The following CNTLN variants were observed in gnomAD, a reference collection of about 807,000 sequenced individuals.
CNTLN encodes the protein centlein, centrosomal protein.
Under a neutral mutation model 180.0 loss-of-function variants are expected in CNTLN, and 212 were observed. The ratio of observed to expected loss-of-function variants is 1.18; its 90% confidence interval spans 1.05 to 1.32. The LOEUF (loss-of-function observed/expected upper bound fraction) is 1.32. CNTLN is among the 40% of genes most tolerant of loss of function. The pLI, the probability that CNTLN is intolerant of heterozygous loss-of-function variation, is 0.00. For synonymous variants in CNTLN, 722 were observed against 563.1 expected, an observed-to-expected ratio of 1.28 and a Z score of -3.99; for missense variants, 2,095 against 1,610.9, an observed-to-expected ratio of 1.30 and a Z score of -5.14.
At chr9:17,368,612 A>G (rs1432082287) in intron 13 of CNTLN, among the ~76,000 whole-genome samples, 1 of 152,134 alleles carries the variant, frequency 6.6e-6, no homozygotes, top group Non-Finnish European at 1.5e-5. Flanking sequence ...ACAGGGGTGC[A>G]TTTGTCACTC....
intron 20 of CNTLN, among the ~76,000 whole-genome samples, chr9:17,464,024 G>C (rs1407075677): frequency 6.6e-6 from 1 of 151,434 alleles, no homozygotes; most frequent in Non-Finnish European, 1.5e-5. Context: ...CTAAACAGCT[G>C]TGTGGATTGA....
chr9:17,523,701 T>G, the CNTLN span, among the ~76,000 whole-genome samples: 6 of 151,678 alleles, frequency 4.0e-5, no homozygotes, highest in Admixed American at 1.3e-4. Flanking sequence ...TGTACAATCC[T>G]TTTTTTGTCA....
intron 13 of CNTLN, among the ~76,000 whole-genome samples, chr9:17,379,956 A>G (rs1489658845): frequency 6.6e-6 from 1 of 152,168 alleles, no homozygotes; most frequent in African/African-American, 2.4e-5. Context: ...CTTGAATAGA[A>G]TCCCACAATA....
intron 2 of CNTLN, among the ~76,000 whole-genome samples, chr9:17,170,831 A>G (rs771253673): frequency 2.6e-5 from 4 of 152,134 alleles, no homozygotes; most frequent in Non-Finnish European, 5.9e-5. Context: ...TGGTAGTCCC[A>G]TAAGATTATA....
intron 2 of CNTLN, among the ~76,000 whole-genome samples, chr9:17,201,197 G>A (rs138137019): frequency 0.015 from 2,260 of 152,280 alleles, 30 homozygotes; most frequent in Middle Eastern, 0.041. Flanking sequence ...TGATCGTGGT[G>A]GATAAGCTTT....
intron 2 of CNTLN, among the ~76,000 whole-genome samples, chr9:17,156,523 A>G (rs182378042): frequency 4.0e-5 from 6 of 151,480 alleles, no homozygotes; most frequent in East Asian, 2.0e-4. Flanking sequence ...TTTCCTTGCA[A>G]TTTATTTTTG....
chr9:17,382,553 T>A (rs1306279407), intron 13 of CNTLN, among the ~76,000 whole-genome samples: 1 of 152,234 alleles, frequency 6.6e-6, no homozygotes, highest in African/African-American at 2.4e-5. Flanking sequence ...TATTAACTAA[T>A]TCTTTGTGAC....
chr9:17,212,952 T>C (rs557582322), intron 2 of CNTLN, among the ~76,000 whole-genome samples: 356 of 152,302 alleles, frequency 2.3e-3, no homozygotes, highest in African/African-American at 7.9e-3. Context: ...TCTTTTCTTC[T>C]TTATTAGTCT....
At chr9:17,278,319 T>A (rs1202241475) in intron 6 of CNTLN, among the ~76,000 whole-genome samples, 1 of 152,192 alleles carries the variant, frequency 6.6e-6, no homozygotes, top group Admixed American at 6.5e-5. Flanking sequence ...TATTCCCTGT[T>A]AGTTTTTGCA....
chr9:17,378,281 G>A (rs1824945146), intron 13 of CNTLN, among the ~76,000 whole-genome samples: 1 of 152,172 alleles, frequency 6.6e-6, no homozygotes, highest in African/African-American at 2.4e-5. Context: ...CCTGGTTCAA[G>A]CAATTCTCCT....
intron 18 of CNTLN, among the ~76,000 whole-genome samples, chr9:17,427,282 T>G (rs1014798385): frequency 3.5e-5 from 5 of 143,330 alleles, no homozygotes; most frequent in South Asian, 2.3e-4. Context: ...AGTTGCTGCT[T>G]CTTTTTTTTT....
intron 5 of CNTLN, among the ~76,000 whole-genome samples, chr9:17,263,002 G>A (rs1266427432): frequency 6.6e-6 from 1 of 151,000 alleles, no homozygotes; most frequent in Non-Finnish European, 1.5e-5. Context: ...TTATAATTGA[G>A]TTTTAAAATC....
At chr9:17,357,059 C>G (rs1203253815) in intron 12 of CNTLN, among the ~76,000 whole-genome samples, 2 of 152,074 alleles carry the variant, frequency 1.3e-5, no homozygotes, top group Admixed American at 6.5e-5. Flanking sequence ...CTTTCTGTCT[C>G]TATGGATTTG....
At chr9:17,294,502 G>T (rs1405110927) in intron 6 of CNTLN, among the ~76,000 whole-genome samples, 2 of 151,222 alleles carry the variant, frequency 1.3e-5, no homozygotes, top group African/African-American at 4.9e-5. Context: ...GGTGCTGATT[G>T]GTGTGTTCAC....
intron 25 of CNTLN, among the ~76,000 whole-genome samples, chr9:17,490,208 A>G (rs1833083389): frequency 6.6e-6 from 1 of 152,084 alleles, no homozygotes; most frequent in Admixed American, 6.6e-5. Context: ...GGATGGTTGG[A>G]GAGAGGAGAC....
At chr9:17,388,978 G>T (rs1394159300) in intron 14 of CNTLN, among the ~76,000 whole-genome samples, 1 of 151,782 alleles carries the variant, frequency 6.6e-6, no homozygotes, top group Admixed American at 6.6e-5. Context: ...GTTTGTTCTT[G>T]TGATTGTCAT....
intron 1 of CNTLN, among the ~76,000 whole-genome samples, chr9:17,142,430 T>C (rs1818168674): frequency 6.6e-6 from 1 of 152,058 alleles, no homozygotes; most frequent in Admixed American, 6.6e-5. Context: ...AGGGGCAGAT[T>C]TGTGAGAGGG....
chr9:17,478,038 T>C lies in CNTLN; in HGVS notation c.3856-6257T>C, dbSNP rs896951420. On this transcript the variant is annotated intron_variant, in intron 23 of 25. Transcript: ENST00000380647. ...AACCATCACCCTAATTTGTCAGCAG[T>C]TATCAACCTTGAGGCAAGACTCTCC... Among the ~76,000 whole-genome samples the C allele has an allele frequency of 7.2e-5, 11 of 152,230 alleles. 1 individual carries two copies. The highest frequency in any genetic ancestry group is 7.2e-4 in the Admixed American group (11 of 15,282).
At chr9:17,162,565 A>G (rs1819758483) in intron 2 of CNTLN, among the ~76,000 whole-genome samples, 1 of 152,236 alleles carries the variant, frequency 6.6e-6, no homozygotes, top group Admixed American at 6.5e-5. Context: ...CAGTATGAAG[A>G]GAACTGGAAT....
Sources: gnomAD v4.1 joint callset for allele counts (sites outside exome capture counted in the v4.1 genomes callset) on GRCh38, gnomAD v4.1.1 for gene constraint, MANE v1.5 for transcripts, NCBI Gene and HGNC (gene_info 2026-07-23, HGNC 2026-07-21) for gene names.